The following STT3B variants were observed in gnomAD, a reference collection of about 807,000 sequenced individuals.
STT3B encodes STT3 oligosaccharyltransferase complex catalytic subunit B.
In STT3B, 29 loss-of-function variants were observed where a neutral mutation model predicts 96.8. The observed-to-expected ratio is 0.30, with a 90% CI of 0.22 to 0.41. The LOEUF is 0.41. STT3B is among the 10% of genes least tolerant of loss of function. The probability of loss-of-function intolerance (pLI) is 1.00; values close to 1 mark genes in which losing one functional copy is unlikely to be tolerated. For synonymous variants in STT3B, 367 were observed against 360.0 expected (o/e 1.02, Z -0.22); for missense variants, 640 against 1,022.3 (o/e 0.63, Z 5.10).
At chr3:31,596,275 G>GT (rs1462558777) in intron 3 of STT3B, among the ~76,000 whole-genome samples, 1 of 152,084 alleles carries the variant, frequency 6.6e-6, no homozygotes, top group Non-Finnish European at 1.5e-5. Context: ...TGATAAAAGA[G>GT]TAACTAAAAT....
intron 1 of STT3B, among the ~76,000 whole-genome samples, chr3:31,552,494 T>G (rs79097877): frequency 6.6e-6 from 1 of 152,164 alleles, no homozygotes; most frequent in African/African-American, 2.4e-5. Flanking sequence ...TAAAAACTTA[T>G]ACTTACTACA....
At chr3:31,598,558 TA>T (rs1468137658) in intron 4 of STT3B, among the ~76,000 whole-genome samples, 1 of 152,192 alleles carries the variant, frequency 6.6e-6, no homozygotes, top group East Asian at 1.9e-4. Flanking sequence ...GGAAAACTCT[TA>T]AAATGAATTT....
chr3:31,615,201 C>T lies in STT3B; in HGVS notation c.974C>T (p.Ala325Val), dbSNP rs1699279524. 1.2e-6 allele frequency: 2 copies of T among 1,600,958 alleles called. No homozygotes were observed. Residue 325 changes from alanine to valine, a missense_variant and splice_region_variant, in exon 6 of 16, where the codon GCA becomes GTA. Around this residue, in one of 8 missense-constraint regions of STT3B, gnomAD observed 267 missense variants for 388.3 expected, o/e 0.69. Transcript: ENST00000295770. ...PIRTSEHMAA[A>V]GVFALLQAYA... ...AGAACAAGTGAACACATGGCAGCTG[C>T]AGGTATGAAAAATATATATTTTCCT...
Position 31,617,990 on chromosome 3 carries a change from T to C in STT3B, c.1172+2T>C. 1 of 1,579,554 alleles carries C rather than the reference T, an allele frequency of 6.3e-7. No homozygotes were observed. Among genetic ancestry groups the C allele is most frequent in the Non-Finnish European group, 8.7e-7 (1 of 1,149,076 alleles). ...GTTTTATTCATTGTGGGATACTGGG[T>C]AAGTACAGTTACATTATTTGGCATC... On this transcript the variant is annotated splice_donor_variant, in intron 8 of 15. Coordinates refer to ENST00000295770, the MANE Select transcript of STT3B (RefSeq NM_178862.3). LOFTEE classifies it high-confidence loss of function.
At chr3:31,626,202 G>T in intron 13 of STT3B, 75 bp downstream of exon 13, 1 of 1,333,150 alleles carries the variant, frequency 7.5e-7, no homozygotes, top group East Asian at 2.3e-5. Context: ...CTTGCTAATT[G>T]CATTGTATTT....
chr3:31,611,697 A>T (rs1161018197), intron 5 of STT3B, among the ~76,000 whole-genome samples: 1 of 152,066 alleles, frequency 6.6e-6, no homozygotes. Context: ...GGGTTTCTCC[A>T]TGTTGGTCAG....
At chr3:31,624,600 C>T (rs1199014828) in intron 11 of STT3B, among the ~76,000 whole-genome samples, 1 of 151,176 alleles carries the variant, frequency 6.6e-6, no homozygotes, top group Non-Finnish European at 1.5e-5. Flanking sequence ...TTCAACTACT[C>T]TTTCACTTGG....
At chr3:31,533,795 G>A (rs1280900665) in intron 1 of STT3B, 1 of 152,494 alleles carries the variant, frequency 6.6e-6, no homozygotes. Flanking sequence ...GAATCGGCCA[G>A]GGGGGCTGCC....
chr3:31,601,820 A>G (rs564341026), intron 5 of STT3B, among the ~76,000 whole-genome samples: 26 of 152,316 alleles, frequency 1.7e-4, no homozygotes, highest in African/African-American at 5.8e-4. Flanking sequence ...ATTTATAGCC[A>G]TTTCAGCATA....
intron 9 of STT3B, among the ~76,000 whole-genome samples, chr3:31,620,737 CTG>C (rs779387776): frequency 8.5e-5 from 13 of 152,148 alleles, no homozygotes; most frequent in Non-Finnish European, 1.6e-4. Context: ...AAAACTGAAA[CTG>C]AGAAAAACTT....
At chr3:31,568,492 C>G (rs1330859194) in intron 1 of STT3B, among the ~76,000 whole-genome samples, 2 of 152,110 alleles carry the variant, frequency 1.3e-5, no homozygotes, top group Non-Finnish European at 2.9e-5. Flanking sequence ...TAGGACTGTT[C>G]CCCCTTCCCC....
In STT3B at chr3:31,612,648, A is replaced by G. The variant is rs1054073258; in HGVS notation, c.878-2457A>G. On this transcript the variant is annotated intron_variant, in intron 5 of 15. Coordinates refer to ENST00000295770, the MANE Select transcript of STT3B (RefSeq NM_178862.3). ...TCTGCTTCTGTATAAAATGTTTTCT[A>G]CTTTACTAATGATAGTAAATATCTC... 7.2e-5 allele frequency among the ~76,000 whole-genome samples: 11 copies of G among 152,166 alleles called. 1 individual carries two copies. The highest frequency in any genetic ancestry group is 1.9e-4 in the East Asian group (1 of 5,204).
intron 7 of STT3B, among the ~76,000 whole-genome samples, 160 bp downstream of exon 7, chr3:31,617,235 C>A (rs577926656): frequency 7.1e-6 from 1 of 141,466 alleles, no homozygotes; most frequent in South Asian, 2.2e-4. Context: ...GCATCAAGCT[C>A]TGATAAATCT....
At chr3:31,572,303 A>C (rs1698178828) in intron 1 of STT3B, among the ~76,000 whole-genome samples, 1 of 149,504 alleles carries the variant, frequency 6.7e-6, no homozygotes, top group African/African-American at 2.5e-5. Flanking sequence ...GCCCCAAACA[A>C]ACTTCTGTAT....
At chr3:31,538,211 C>T (rs1229532386) in intron 1 of STT3B, among the ~76,000 whole-genome samples, 1 of 152,168 alleles carries the variant, frequency 6.6e-6, no homozygotes, top group Non-Finnish European at 1.5e-5. Flanking sequence ...TGTAGACAGA[C>T]ATTGTTACTA....
chr3:31,547,232 G>A (rs768134324), intron 1 of STT3B, among the ~76,000 whole-genome samples: 2 of 151,936 alleles, frequency 1.3e-5, no homozygotes, highest in East Asian at 3.9e-4. Flanking sequence ...TAAATTATTC[G>A]TTTGGATCAA....
At chr3:31,602,969 G>A (rs1215483678) in intron 5 of STT3B, among the ~76,000 whole-genome samples, 1 of 152,016 alleles carries the variant, frequency 6.6e-6, no homozygotes, top group East Asian at 1.9e-4. Flanking sequence ...CAGGATTTAA[G>A]TTCAATTTCT....
At chr3:31,546,194 C>G (rs1279525724) in intron 1 of STT3B, among the ~76,000 whole-genome samples, 2 of 152,086 alleles carry the variant, frequency 1.3e-5, no homozygotes, top group African/African-American at 4.8e-5. Flanking sequence ...TATACCACTC[C>G]AAAACTTAGT....
In STT3B at chr3:31,629,399, T is replaced by C. The variant is rs146718873; in HGVS notation, c.2175T>C (p.Phe725=). The change falls in exon 14 of 16, where the codon TTT becomes TTC. Residue 725 remains phenylalanine (F), a synonymous_variant. Transcript: ENST00000295770. ...CLMYKMSYYR[F]GEMQLDFRTP... ...TGTATAAAATGTCATACTACAGATTTGGAGAAATGCAGGTTAGTTAAATCC... is the reference window on the plus strand; with the variant it reads ...TGTATAAAATGTCATACTACAGATTCGGAGAAATGCAGGTTAGTTAAATCC... 2.0e-5 allele frequency: 31 copies of C among 1,577,940 alleles called. No homozygotes were observed. In the African/African-American group the frequency reaches 3.9e-4, roughly 20 times the overall value.
Sources: gnomAD v4.1 joint callset for allele counts (sites outside exome capture counted in the v4.1 genomes callset) on GRCh38, gnomAD v4.1.1 for gene constraint, gnomAD v4.1.1 regional missense constraint, MANE v1.5 for transcripts, NCBI Gene and HGNC (gene_info 2026-07-23, HGNC 2026-07-21) for gene names.